Variants in TDRD12 observed in about 807,000 individuals in gnomAD.
TDRD12 encodes tudor domain containing 12.
TDRD12 carries 158 observed loss-of-function variants against 133.5 expected under a neutral mutation model. The ratio of observed to expected loss-of-function variants is 1.18; its 90% CI spans 1.04 to 1.35. The LOEUF is 1.35. Ranked by LOEUF, TDRD12 falls within the 40% of genes most tolerant of loss-of-function variation. TDRD12 has a pLI of 0.00. For synonymous variants in TDRD12, 460 were observed against 477.9 expected (o/e 0.96, Z 0.49); for missense variants, 1,443 against 1,321.3 (o/e 1.09, Z -1.43).
Position 32,810,258 on chromosome 19 carries a change from G to GA in TDRD12, c.2824dup (p.Thr942AsnfsTer22), listed in dbSNP as rs1400735732. On this transcript the variant is annotated frameshift_variant, in exon 23 of 28. Coordinates refer to ENST00000444215, the Ensembl canonical transcript of TDRD12. LOFTEE classifies it high-confidence loss of function. The stretch of plus-strand genomic sequence containing the variant: ...GAAGTTTGGATTGTATGGATTAGCA[G>GA]AAAAAACGCTTTTTCACAGGTAACA... The GA allele has an allele frequency of 6.4e-5, 97 of 1,514,858 alleles. No homozygotes were observed. The highest frequency in any genetic ancestry group is 8.1e-5 in the Non-Finnish European group (92 of 1,139,434). The allele number at this position is 1,514,858 out of a possible 1,614,324, so 93.8% of individuals were successfully genotyped here. A position where few individuals can be genotyped will look rare whatever the true frequency, so the allele number is the denominator to read the frequency against.
intron 26 of TDRD12, among the ~76,000 whole-genome samples, chr19:32,817,742 C>G (rs1365995709): frequency 6.6e-6 from 1 of 151,570 alleles, no homozygotes; most frequent in Non-Finnish European, 1.5e-5. Flanking sequence ...GCCTGCAGTT[C>G]TCCATGTCCT....
exon 1 of TDRD12, chr19:32,719,923 C>A: frequency 1.1e-6 from 1 of 949,244 alleles, no homozygotes; most frequent in Non-Finnish European, 1.6e-6. Context: ...GAGTGTGGGG[C>A]ACCTGCCGCG....
exon 3 of TDRD12, chr19:32,738,913 A>G (rs1969306325): frequency 3.2e-6 from 5 of 1,551,464 alleles, no homozygotes; most frequent in African/African-American, 1.4e-5. Flanking sequence ...TGTCAAATCA[A>G]TTACGTCTTC....
At chr19:32,789,117 C>G (rs1159855601) in intron 11 of TDRD12, among the ~76,000 whole-genome samples, 1 of 152,142 alleles carries the variant, frequency 6.6e-6, no homozygotes, top group African/African-American at 2.4e-5. Context: ...AGAGGTTCCC[C>G]CCTCTGCCAC....
intron 9 of TDRD12, 100 bp downstream of exon 32, chr19:32,826,849 C>G: frequency 2.8e-6 from 2 of 715,820 alleles, no homozygotes; most frequent in Non-Finnish European, 3.9e-6. Flanking sequence ...GGAAGTGGAC[C>G]GTTCATGTCA....
At chr19:32,824,698 C>A (rs1967526608), downstream of TDRD12, among the ~76,000 whole-genome samples, 1 of 152,138 alleles carries the variant, frequency 6.6e-6, no homozygotes, top group East Asian at 1.9e-4. Flanking sequence ...AGCTAGCTTT[C>A]CTGAGCTCGA....
intron 8 of TDRD12, among the ~76,000 whole-genome samples, chr19:32,758,228 A>T (rs1432921850): frequency 6.6e-6 from 1 of 152,166 alleles, no homozygotes; most frequent in Non-Finnish European, 1.5e-5. Flanking sequence ...GTGTAACCTC[A>T]TTCTTCTTGG....
intron 27 of TDRD12, 92 bp from the exon 28 acceptor site, chr19:32,820,941 G>C (rs1967361103): frequency 9.9e-7 from 1 of 1,011,072 alleles, no homozygotes; most frequent in Middle Eastern, 3.1e-4. Context: ...CACGGCCACA[G>C]GCACTTCACG....
At position 32,720,020 on chromosome 19, in the gene TDRD12, C is replaced by T; in HGVS notation, c.-53C>T. 5 of 1,543,118 alleles carry T rather than the reference C, an allele frequency of 3.2e-6. No homozygotes were observed. Among genetic ancestry groups the T allele is most frequent in the Non-Finnish European group, 4.4e-6 (5 of 1,144,502 alleles). The stretch of plus-strand genomic sequence containing the variant: ...CGGACGCAGCCAGCCTCACCCGCGA[C>T]GGTAGGGGACTTCCAGGGCGAGGGG... On this transcript the variant is annotated 5_prime_UTR_variant, in exon 1 of 28. In the 5' UTR this introduces an upstream ATG that the reference lacks. Transcript: ENST00000444215.
chr19:32,759,722 AC>A, intron 8 of TDRD12, among the ~76,000 whole-genome samples: 1 of 152,176 alleles, frequency 6.6e-6, no homozygotes, highest in Non-Finnish European at 1.5e-5. Context: ...TACTATACAT[AC>A]CTCTTTGTAA....
chr19:32,797,261 G>T (rs1431069304), intron 14 of TDRD12, among the ~76,000 whole-genome samples: 2 of 152,224 alleles, frequency 1.3e-5, no homozygotes, highest in Non-Finnish European at 2.9e-5. Flanking sequence ...GATTACAGGC[G>T]TGAGCCACTA....
intron 3 of TDRD12, among the ~76,000 whole-genome samples, chr19:32,739,755 G>GCTCTCTGCATCTCCTGGTGCT (rs1969348480): frequency 8.6e-6 from 1 of 116,844 alleles, no homozygotes. Context: ...TCTCCTGGGT[G>GCTCTCTGCATCTCCTGGTGCT]CTCTCTGCAT....
intron 13 of TDRD12, among the ~76,000 whole-genome samples, chr19:32,791,420 A>G (rs1971067628): frequency 6.6e-6 from 1 of 152,130 alleles, no homozygotes. Flanking sequence ...TCTTTTCAAA[A>G]TTGTCTTACA....
chr19:32,743,034 T>G, intron 4 of TDRD12, 134 bp downstream of exon 4: 1 of 1,093,594 alleles, frequency 9.1e-7, no homozygotes, highest in South Asian at 1.8e-5. Context: ...GGCTTCTGAG[T>G]CAGTGTTTGT....
intron 11 of TDRD12, among the ~76,000 whole-genome samples, chr19:32,780,954 T>TG (rs976743717): frequency 6.7e-6 from 1 of 149,390 alleles, no homozygotes; most frequent in Non-Finnish European, 1.5e-5. Flanking sequence ...CTTTTTTTTT[T>TG]TTTTTTGAGA....
chr19:32,790,221 C>T (rs2278279), intron 11 of TDRD12, among the ~76,000 whole-genome samples: 89,493 of 151,918 alleles, frequency 0.59, 27,234 homozygotes, highest in East Asian at 0.83. Context: ...GCAGAGGTGA[C>T]TGTGGACAAG....
intron 3 of TDRD12, among the ~76,000 whole-genome samples, chr19:32,740,343 C>G (rs192786481): frequency 1.6e-4 from 22 of 138,120 alleles, no homozygotes; most frequent in South Asian, 1.0e-3. Flanking sequence ...CCTGGGTGCT[C>G]TCTGCATCTC....
exon 26 of TDRD12, chr19:32,815,560 T>G (rs1967149584): frequency 6.5e-7 from 1 of 1,536,178 alleles, no homozygotes; most frequent in Admixed American, 2.0e-5. Flanking sequence ...ATAGAACAAC[T>G]GAAAAAATTA....
At chr19:32,746,800 C>T (rs1359125916) in intron 4 of TDRD12, among the ~76,000 whole-genome samples, 3 of 42,084 alleles carry the variant, frequency 7.1e-5, no homozygotes, top group African/African-American at 2.0e-4. Context: ...GTGAGAGAGA[C>T]GGGGAGAGAG....
Sources: gnomAD v4.1 joint callset for allele counts (sites outside exome capture counted in the v4.1 genomes callset) on GRCh38, gnomAD v4.1.1 for gene constraint, MANE v1.5 for transcripts, NCBI Gene and HGNC (gene_info 2026-07-23, HGNC 2026-07-21) for gene names.